GPHN: variants seen among roughly 807,000 people sequenced by gnomAD.
The protein encoded by GPHN is gephyrin.
GPHN carries 17 observed loss-of-function variants against 95.5 expected under a neutral mutation model. The ratio of observed to expected loss-of-function variants is 0.18; its 90% confidence interval spans 0.12 to 0.27. GPHN has a LOEUF of 0.27. Among genes scored for constraint, GPHN ranks in the 10% least tolerant of loss-of-function variants. GPHN has a pLI of 1.00. For synonymous variants in GPHN, 320 were observed against 322.5 expected (o/e 0.99, Z 0.08); for missense variants, 660 against 978.1 (o/e 0.67, Z 4.34).
At chr14:67,011,431 G>A (rs182058926) in intron 9 of GPHN, among the ~76,000 whole-genome samples, 8 of 151,526 alleles carry the variant, frequency 5.3e-5, no homozygotes, top group Middle Eastern at 6.8e-3. Context: ...AAATTATCTC[G>A]GGGGGATGTC....
the GPHN span, among the ~76,000 whole-genome samples, chr14:67,232,405 T>G: frequency 6.6e-6 from 1 of 152,190 alleles, no homozygotes; most frequent in African/African-American, 2.4e-5. Flanking sequence ...TGGAGGCAGA[T>G]CCTTTAGTCC....
At chr14:67,017,613 A>G (rs1275450428) in intron 9 of GPHN, among the ~76,000 whole-genome samples, 2 of 152,128 alleles carry the variant, frequency 1.3e-5, no homozygotes, top group African/African-American at 2.4e-5. Context: ...TGACCAGACC[A>G]TGTAAGATAT....
intron 3 of GPHN, among the ~76,000 whole-genome samples, chr14:66,799,773 T>G (rs150437415): frequency 6.6e-6 from 1 of 152,168 alleles, no homozygotes; most frequent in African/African-American, 2.4e-5. Flanking sequence ...TGCCAGTCTT[T>G]GTTTTTTAAT....
At chr14:67,388,094 T>G in the GPHN span, 1 of 611,848 alleles carries the variant, frequency 1.6e-6, no homozygotes, top group Non-Finnish European at 3.0e-6. Context: ...ACTTCAAAAC[T>G]CACACCACTC....
chr14:66,951,480 C>T (rs2068105399), intron 8 of GPHN, among the ~76,000 whole-genome samples: 1 of 147,324 alleles, frequency 6.8e-6, no homozygotes, highest in Non-Finnish European at 1.5e-5. Context: ...CGCACCACTG[C>T]ACTCCAGCCT....
At chr14:67,146,693 C>T (rs1307074903) in intron 18 of GPHN, among the ~76,000 whole-genome samples, 1 of 152,166 alleles carries the variant, frequency 6.6e-6, no homozygotes, top group Non-Finnish European at 1.5e-5. Flanking sequence ...ACCATGTAAG[C>T]TCCTTGATTT....
chr14:66,889,352 A>C (rs902713528), intron 5 of GPHN, among the ~76,000 whole-genome samples: 3 of 152,184 alleles, frequency 2.0e-5, no homozygotes, highest in Non-Finnish European at 4.4e-5. Flanking sequence ...GCTACAAAAT[A>C]AGTTTCAATA....
intron 5 of GPHN, among the ~76,000 whole-genome samples, chr14:66,902,469 T>C (rs989427005): frequency 2.0e-5 from 3 of 152,134 alleles, no homozygotes; most frequent in Non-Finnish European, 4.4e-5. Flanking sequence ...GCGTTCAATT[T>C]TTTTCCTTTT....
intron 4 of GPHN, among the ~76,000 whole-genome samples, chr14:66,878,578 G>A (rs906887329): frequency 3.3e-5 from 5 of 152,014 alleles, no homozygotes; most frequent in African/African-American, 4.8e-5. Flanking sequence ...TTCTCAAAAC[G>A]AAGACAGTTA....
intron 11 of GPHN, among the ~76,000 whole-genome samples, chr14:67,064,944 C>A (rs1190840589): frequency 2.0e-5 from 3 of 152,152 alleles, no homozygotes; most frequent in Admixed American, 6.6e-5. Context: ...CAGTTCTGCT[C>A]TGATCTTAGT....
chr14:67,535,182 A>G, the GPHN span, among the ~76,000 whole-genome samples: 4 of 152,174 alleles, frequency 2.6e-5, no homozygotes, highest in Admixed American at 1.3e-4. Flanking sequence ...TGCTCTGAAT[A>G]TCTCTGAGAG....
the GPHN span, among the ~76,000 whole-genome samples, chr14:67,680,624 A>T: frequency 1.3e-5 from 2 of 152,044 alleles, no homozygotes; most frequent in Non-Finnish European, 2.9e-5. Context: ...ACGCCTGGCT[A>T]ATTTTTGCAT....
intron 11 of GPHN, among the ~76,000 whole-genome samples, chr14:67,082,643 G>A (rs2153663900): frequency 6.6e-6 from 1 of 152,256 alleles, no homozygotes; most frequent in African/African-American, 2.4e-5. Context: ...ATTTTAGGAT[G>A]AGTTTTTCTG....
At chr14:67,500,169 A>C in the GPHN span, among the ~76,000 whole-genome samples, 348 of 151,922 alleles carry the variant, frequency 2.3e-3, 2 homozygotes, top group African/African-American at 7.9e-3. Context: ...GTCTCTTAAA[A>C]TAAATAAATA....
the GPHN span, chr14:67,387,190 G>GGAACTCTTGGCAGCATTCAC: frequency 1.3e-6 from 1 of 744,218 alleles, no homozygotes; most frequent in Non-Finnish European, 2.1e-6. Context: ...TGTAATCTGA[G>GGAACTCTTGGCAGCATTCAC]GAACTCTTGG....
chr14:66,719,609 G>A (rs773571886), intron 2 of GPHN, among the ~76,000 whole-genome samples: 10 of 151,988 alleles, frequency 6.6e-5, no homozygotes, highest in Admixed American at 1.3e-4. Context: ...ACCTCCACAC[G>A]CTGCTCTGTT....
At chr14:66,712,492 C>G (rs1314574257) in intron 2 of GPHN, among the ~76,000 whole-genome samples, 2 of 152,070 alleles carry the variant, frequency 1.3e-5, no homozygotes, top group Non-Finnish European at 2.9e-5. Flanking sequence ...AGCCCTTTGT[C>G]AGATGGGTAG....
intron 1 of GPHN, among the ~76,000 whole-genome samples, chr14:66,573,113 A>C (rs2140383308): frequency 6.6e-6 from 1 of 152,336 alleles, no homozygotes. Context: ...TTTGTGGGCT[A>C]ACATATTACC....
At chr14:66,836,207 A>G (rs1469401762) in intron 4 of GPHN, among the ~76,000 whole-genome samples, 2 of 130,796 alleles carry the variant, frequency 1.5e-5, no homozygotes. Context: ...ACAAGGCTAC[A>G]ATAACCAAAA....
Sources: gnomAD v4.1 joint callset for allele counts (sites outside exome capture counted in the v4.1 genomes callset) on GRCh38, gnomAD v4.1.1 for gene constraint, MANE v1.5 for transcripts, NCBI Gene and HGNC (gene_info 2026-07-23, HGNC 2026-07-21) for gene names.